The following XKR4 variants were observed in gnomAD, a reference collection of about 807,000 sequenced individuals.
XKR4 encodes the protein XK related 4, also known as XK-related protein 4.
In XKR4, 12 loss-of-function variants were observed where a neutral mutation model predicts 53.9. The ratio of observed to expected loss-of-function variants is 0.22; its 90% confidence interval spans 0.14 to 0.36. The LOEUF (loss-of-function observed/expected upper bound fraction) is 0.36. Ranked by LOEUF, XKR4 falls within the 10% of genes least tolerant of loss-of-function variation. The pLI is 1.00. For synonymous variants in XKR4, 354 were observed against 362.4 expected (o/e 0.98, Z 0.26); for missense variants, 799 against 859.5 (o/e 0.93, Z 0.88).
chr8:55,443,851 A>G (rs560615158), intron 2 of XKR4, among the ~76,000 whole-genome samples: 7 of 145,438 alleles, frequency 4.8e-5, no homozygotes, highest in Non-Finnish European at 9.0e-5. Context: ...AAAAAAAAAA[A>G]AAAGAAAGAA....
chr8:55,106,877 A>G (rs149654355), intron 1 of XKR4, among the ~76,000 whole-genome samples: 2,028 of 152,240 alleles, frequency 0.013, 24 homozygotes, highest in Middle Eastern at 0.024. Flanking sequence ...TGCTCTTGTC[A>G]TGCTTGCTAT....
chr8:55,367,118 G>A (rs1044392159), intron 2 of XKR4, among the ~76,000 whole-genome samples: 4 of 152,168 alleles, frequency 2.6e-5, no homozygotes, highest in Non-Finnish European at 5.9e-5. Flanking sequence ...CATCACAGAA[G>A]CCCTGCTCTT....
rs1817552465 is a variant in XKR4 at position 55,199,593 on chromosome 8, A to C, written c.806+96299A>C. Among the ~76,000 whole-genome samples the C allele has an allele frequency of 2.0e-5, 3 of 152,196 alleles. No individual in the cohort carries two copies. In the South Asian group the frequency reaches 6.2e-4, roughly 31 times the overall value. On this transcript the variant is annotated intron_variant, in intron 1 of 2. Coordinates refer to ENST00000327381, the MANE Select transcript of XKR4 (RefSeq NM_052898.2). ...ATATTAACCACCTGCGCAGAGTTTC[A>C]GAGTTCATAAGTAACAGGATCTGAG...
chr8:55,157,131 G>A (rs1305093313), intron 1 of XKR4, among the ~76,000 whole-genome samples: 2 of 152,144 alleles, frequency 1.3e-5, no homozygotes, highest in Non-Finnish European at 2.9e-5. Context: ...CCACCTACAT[G>A]TCTGACTTAA....
chr8:55,442,603 T>G (rs1040424964), intron 2 of XKR4, among the ~76,000 whole-genome samples: 13 of 152,168 alleles, frequency 8.5e-5, no homozygotes, highest in South Asian at 2.1e-4. Context: ...AGTGAATGAA[T>G]CAAACATAGT....
intron 1 of XKR4, among the ~76,000 whole-genome samples, chr8:55,200,878 T>G (rs1817570161): frequency 6.6e-6 from 1 of 152,254 alleles, no homozygotes; most frequent in Non-Finnish European, 1.5e-5. Context: ...ACTTTATGTT[T>G]GTAGACAGTT....
chr8:55,393,886 G>C (rs76743807), intron 2 of XKR4, among the ~76,000 whole-genome samples: 1 of 152,084 alleles, frequency 6.6e-6, no homozygotes, highest in Non-Finnish European at 1.5e-5. Flanking sequence ...TCAAAAAGTC[G>C]AGATTGTGCC....
intron 1 of XKR4, among the ~76,000 whole-genome samples, chr8:55,328,322 A>G (rs2129380376): frequency 6.6e-6 from 1 of 152,354 alleles, no homozygotes; most frequent in Non-Finnish European, 1.5e-5. Context: ...TGAATAAGGA[A>G]GAGGCAGCCC....
chr8:55,204,563 G>A (rs750046250), intron 1 of XKR4, among the ~76,000 whole-genome samples: 6 of 152,166 alleles, frequency 3.9e-5, no homozygotes, highest in Middle Eastern at 6.8e-3. Flanking sequence ...TTATACCCAC[G>A]TAGCCCATGT....
At chr8:55,511,608 C>T (rs1806626932) in intron 2 of XKR4, among the ~76,000 whole-genome samples, 1 of 152,236 alleles carries the variant, frequency 6.6e-6, no homozygotes, top group East Asian at 1.9e-4. Context: ...AAACCTGCTT[C>T]TGTCTCAGAT....
intron 2 of XKR4, among the ~76,000 whole-genome samples, chr8:55,367,145 T>C (rs1804000667): frequency 6.6e-6 from 1 of 152,164 alleles, no homozygotes; most frequent in Non-Finnish European, 1.5e-5. Context: ...TCCTTCCCTG[T>C]GTGCCCACCG....
chr8:55,132,684 A>G (rs1004156454), intron 1 of XKR4, among the ~76,000 whole-genome samples: 1 of 152,192 alleles, frequency 6.6e-6, no homozygotes, highest in African/African-American at 2.4e-5. Flanking sequence ...TCGTCAGACC[A>G]TTAACTTCAA....
At chr8:55,298,454 C>T (rs897658281) in intron 1 of XKR4, among the ~76,000 whole-genome samples, 9 of 152,224 alleles carry the variant, frequency 5.9e-5, no homozygotes, top group Non-Finnish European at 1.3e-4. Context: ...ATGAGGACCT[C>T]AGGAAGCTTC....
chr8:55,513,501 C>T (rs1806661102), intron 2 of XKR4, among the ~76,000 whole-genome samples: 1 of 152,334 alleles, frequency 6.6e-6, no homozygotes, highest in African/African-American at 2.4e-5. Context: ...CTGAACCTAT[C>T]ATGCCTGTTC....
At chr8:55,504,638 C>A (rs1207230926) in intron 2 of XKR4, among the ~76,000 whole-genome samples, 1 of 152,020 alleles carries the variant, frequency 6.6e-6, no homozygotes, top group Admixed American at 6.6e-5. Flanking sequence ...TATGGTAATT[C>A]CTCTTTAAAT....
rs1309092996 is a variant in XKR4, at chr8:55,536,140, T to C, written c.*11913T>C. On this transcript the variant is annotated 3_prime_UTR_variant, in exon 3 of 3. Coordinates refer to ENST00000327381, the MANE Select transcript of XKR4 (RefSeq NM_052898.2). ...TACAAGCATTAGAATCTTTCACTCATATTGTGAATCTCAATTCTGCCAGTC... is the reference window on the plus strand; with the variant it reads ...TACAAGCATTAGAATCTTTCACTCACATTGTGAATCTCAATTCTGCCAGTC... 6.6e-6 allele frequency: 1 copy of C among 152,242 alleles called. No individual in the cohort carries two copies. Among genetic ancestry groups the C allele is most frequent in the Non-Finnish European group, 1.5e-5 (1 of 68,032 alleles). The allele number at this position is 152,242 out of a possible 1,614,324, so 9.4% of individuals were successfully genotyped here. A position where few individuals can be genotyped will look rare whatever the true frequency, so the allele number is the denominator to read the frequency against.
In XKR4 at chr8:55,456,528, C is replaced by T. The variant is rs147740703; in HGVS notation, c.1007-66753C>T. Among the ~76,000 whole-genome samples the T allele has an allele frequency of 8.6e-4, 131 of 152,214 alleles. 1 individual carries two copies. Among genetic ancestry groups the T allele is most frequent in the African/African-American group, 2.9e-3 (121 of 41,550 alleles). Reference sequence around the variant, plus strand: ...TGTGGCAAACAAATAATTAATGAAACGCATGATGTCTATGATTCCATAAAT... The same window carrying T: ...TGTGGCAAACAAATAATTAATGAAATGCATGATGTCTATGATTCCATAAAT... On this transcript the variant is annotated intron_variant, in intron 2 of 2. Transcript: ENST00000327381.
intron 2 of XKR4, among the ~76,000 whole-genome samples, chr8:55,498,186 T>G (rs1236558512): frequency 1.3e-5 from 2 of 152,210 alleles, no homozygotes; most frequent in Non-Finnish European, 2.9e-5. Context: ...CAGCCTCCCA[T>G]GGCCTAACCT....
At chr8:55,289,677 G>GAAAGAAAGAAAGAAAGAA (rs201871671) in intron 1 of XKR4, among the ~76,000 whole-genome samples, 30 of 125,122 alleles carry the variant, frequency 2.4e-4, no homozygotes, top group African/African-American at 9.8e-4. Flanking sequence ...AGAAAAGAAA[G>GAAAGAAAGAAAGAAAGAA]AGAAAGAAAG....
Sources: allele counts gnomAD v4.1 joint callset (sites outside exome capture counted in the v4.1 genomes callset), GRCh38; gene constraint gnomAD v4.1.1; transcripts MANE v1.5; gene names NCBI Gene and HGNC (gene_info 2026-07-23, HGNC 2026-07-21).